The following TTLL5 variants were observed in gnomAD, a reference collection of about 807,000 sequenced individuals.
TTLL5 encodes the protein tubulin tyrosine ligase like 5, also known as tubulin polyglutamylase TTLL5.
In TTLL5, 132 loss-of-function variants were observed where a neutral mutation model predicts 168.4. The ratio of observed to expected loss-of-function variants is 0.78; its 90% CI spans 0.68 to 0.91. The LOEUF (loss-of-function observed/expected upper bound fraction) is 0.91. Among genes scored for constraint, TTLL5 ranks in the 40% least tolerant of loss-of-function variants. The pLI is 0.00. For synonymous variants in TTLL5, 546 were observed against 558.6 expected, an observed-to-expected ratio of 0.98 and a Z score of 0.32; for missense variants, 1,545 against 1,581.5, an observed-to-expected ratio of 0.98 and a Z score of 0.39.
At chr14:75,744,129 A>C (rs1289507911) in intron 15 of TTLL5, among the ~76,000 whole-genome samples, 1 of 152,200 alleles carries the variant, frequency 6.6e-6, no homozygotes, top group Non-Finnish European at 1.5e-5. Context: ...AGAGAGAAAT[A>C]ATACCTCGTG....
chr14:75,821,652 A>G (rs1172446117), intron 28 of TTLL5, among the ~76,000 whole-genome samples: 1 of 152,196 alleles, frequency 6.6e-6, no homozygotes, highest in Non-Finnish European at 1.5e-5. Flanking sequence ...GGCTGGGTTT[A>G]GAGCTTTCTT....
intron 31 of TTLL5, chr14:75,904,006 G>A (rs556269842): frequency 7.1e-6 from 6 of 840,594 alleles, no homozygotes; most frequent in South Asian, 6.1e-5. Flanking sequence ...TAGGGAAGGC[G>A]CTATAACTAC....
At chr14:75,739,391 C>G (rs1889109282) in intron 15 of TTLL5, among the ~76,000 whole-genome samples, 1 of 151,990 alleles carries the variant, frequency 6.6e-6, no homozygotes, top group African/African-American at 2.4e-5. Flanking sequence ...ACAGTATTTT[C>G]ATTGGAGCTA....
chr14:75,716,917 T>A (rs939347415), intron 9 of TTLL5, among the ~76,000 whole-genome samples: 2 of 152,200 alleles, frequency 1.3e-5, no homozygotes, highest in Non-Finnish European at 2.9e-5. Flanking sequence ...CATTTCAAAT[T>A]CAGGACTAAG....
chr14:75,789,738 T>C (rs1892582807), intron 26 of TTLL5, among the ~76,000 whole-genome samples: 2 of 152,194 alleles, frequency 1.3e-5, no homozygotes, highest in Non-Finnish European at 2.9e-5. Flanking sequence ...AATGGATAAA[T>C]ATACCACGTA....
intron 20 of TTLL5, among the ~76,000 whole-genome samples, chr14:75,769,644 A>G (rs1891162787): frequency 6.6e-6 from 1 of 152,216 alleles, no homozygotes; most frequent in Non-Finnish European, 1.5e-5. Flanking sequence ...GTTTTAGTAT[A>G]AAGGGATGAA....
At chr14:75,732,934 G>C (rs1255123075) in intron 13 of TTLL5, among the ~76,000 whole-genome samples, 1 of 152,104 alleles carries the variant, frequency 6.6e-6, no homozygotes, top group East Asian at 1.9e-4. Flanking sequence ...TTGTTTAGAA[G>C]AAAAGAAACA....
chr14:75,668,799 T>C (rs1244005034), intron 2 of TTLL5, among the ~76,000 whole-genome samples: 1 of 152,230 alleles, frequency 6.6e-6, no homozygotes, highest in Non-Finnish European at 1.5e-5. Flanking sequence ...TAAATTATTG[T>C]GAACTCATCA....
At chr14:75,854,040 C>T (rs1033047046) in intron 28 of TTLL5, among the ~76,000 whole-genome samples, 1 of 150,550 alleles carries the variant, frequency 6.6e-6, no homozygotes. Flanking sequence ...AAGACTCCGT[C>T]TCAAAAAAAA....
At chr14:75,773,471 C>CA (rs916920741) in intron 21 of TTLL5, among the ~76,000 whole-genome samples, 3 of 152,058 alleles carry the variant, frequency 2.0e-5, no homozygotes, top group Non-Finnish European at 4.4e-5. Context: ...AAAAATAGTT[C>CA]AAAAAAGAAT....
rs535274824 is a variant in TTLL5, at chr14:75,876,537, C to T, written c.3523-6148C>T. On this transcript the variant is annotated intron_variant, in intron 29 of 31. Transcript: ENST00000298832. ...ATGAGAGGATATGTTGGAAGGCTTC[C>T]GACACCTTTGACAGCTCCATATCCT... Among the ~76,000 whole-genome samples, 6 of 152,290 alleles carry T rather than the reference C, an allele frequency of 3.9e-5. No individual in the cohort carries two copies. The East Asian group carries it at 7.7e-4, about 20-fold the overall frequency.
At chr14:75,675,554 ATGT>A (rs1407954555) in intron 3 of TTLL5, among the ~76,000 whole-genome samples, 2 of 152,212 alleles carry the variant, frequency 1.3e-5, no homozygotes, top group Non-Finnish European at 2.9e-5. Flanking sequence ...GATGTGATGC[ATGT>A]TAAGAGGCTT....
At chr14:75,945,063 G>A (rs1046925916) in intron 31 of TTLL5, among the ~76,000 whole-genome samples, 1 of 151,828 alleles carries the variant, frequency 6.6e-6, no homozygotes, top group Non-Finnish European at 1.5e-5. Flanking sequence ...GATGCAAGAC[G>A]CCAGAAGTAT....
chr14:75,923,339 G>A (rs1205937551), intron 31 of TTLL5, among the ~76,000 whole-genome samples: 1 of 151,938 alleles, frequency 6.6e-6, no homozygotes, highest in East Asian at 1.9e-4. Flanking sequence ...TTTCTCTTGT[G>A]GGCATTTAGT....
intron 30 of TTLL5, chr14:75,887,348 A>G: frequency 1.0e-6 from 1 of 983,614 alleles, no homozygotes; most frequent in Non-Finnish European, 1.2e-6. Context: ...AGAAGATTTA[A>G]GGGCAAAGTA....
At position 75,783,617 on chromosome 14, in the gene TTLL5, T is replaced by G. The variant is rs1892185103; in HGVS notation, c.2986+87T>G. On this transcript the variant is annotated intron_variant, in intron 26 of 31. Transcript: ENST00000298832. ...GGATGTCATCTCTTCCCTTTGCCTT[T>G]TTTTAAATTTTGAAATGGAAATGGA... 4.6e-6 allele frequency: 7 copies of G among 1,512,306 alleles called. No homozygotes were observed. The South Asian group carries it at 6.7e-5, about 14-fold the overall frequency. 93.7% of individuals were successfully genotyped at this position (1,512,306 alleles called of 1,614,324 possible).
intron 3 of TTLL5, among the ~76,000 whole-genome samples, chr14:75,677,239 A>G (rs776731882): frequency 3.3e-5 from 5 of 152,166 alleles, no homozygotes; most frequent in Non-Finnish European, 5.9e-5. Flanking sequence ...TACTCTATGC[A>G]GTAACTACTG....
At chr14:75,837,902 C>T (rs1441119127) in intron 28 of TTLL5, among the ~76,000 whole-genome samples, 1 of 151,906 alleles carries the variant, frequency 6.6e-6, no homozygotes, top group Non-Finnish European at 1.5e-5. Flanking sequence ...TACACACACA[C>T]TACATTTTGT....
chr14:75,719,871 A>G lies in TTLL5; in HGVS notation c.934+45A>G, dbSNP rs17783174. ...CCTTCTTGACTTCTCTTCTTTGGAT[A>G]ACTTTATCATTGTCTCTTGCCAGGA... is the stretch of plus-strand genomic sequence containing the variant. On this transcript the variant is annotated intron_variant, in intron 11 of 31. Coordinates refer to ENST00000298832, the MANE Select transcript of TTLL5 (RefSeq NM_015072.5). 0.053 allele frequency: 82,428 copies of G among 1,561,066 alleles called. 2,544 individuals are homozygous for G. Among genetic ancestry groups the G allele is most frequent in the Admixed American group, 0.093 (5,533 of 59,776 alleles).
Sources: gnomAD v4.1 joint callset for allele counts (sites outside exome capture counted in the v4.1 genomes callset) on GRCh38, gnomAD v4.1.1 for gene constraint, MANE v1.5 for transcripts, NCBI Gene and HGNC (gene_info 2026-07-23, HGNC 2026-07-21) for gene names.